MARCHF8: variants seen among roughly 807,000 people sequenced by gnomAD.
The protein encoded by MARCHF8 is membrane associated ring-CH-type finger 8.
Under a neutral mutation model 51.6 loss-of-function variants are expected in MARCHF8, and 40 were observed. That is an observed-to-expected ratio of 0.77 (90% confidence interval 0.60 to 1.01). MARCHF8 has a LOEUF of 1.01. Ranked by LOEUF, MARCHF8 falls within the 50% of genes least tolerant of loss-of-function variation. The pLI is 0.00. For synonymous variants in MARCHF8, 263 were observed against 280.3 expected (o/e 0.94, Z 0.62); for missense variants, 685 against 708.6 (o/e 0.97, Z 0.38).
At chr10:45,584,924 T>C (rs1052041831) in intron 1 of MARCHF8, among the ~76,000 whole-genome samples, 1 of 152,198 alleles carries the variant, frequency 6.6e-6, no homozygotes, top group Non-Finnish European at 1.5e-5. Flanking sequence ...CAAGGACACA[T>C]GGACCTCAGT....
At chr10:45,483,693 G>T (rs1015974281) in intron 3 of MARCHF8, among the ~76,000 whole-genome samples, 4 of 152,156 alleles carry the variant, frequency 2.6e-5, no homozygotes, top group Admixed American at 2.0e-4. Flanking sequence ...AACAGGTAAA[G>T]AATTCGTGAC....
intron 3 of MARCHF8, among the ~76,000 whole-genome samples, chr10:45,466,440 A>C (rs1297850127): frequency 6.6e-6 from 1 of 152,184 alleles, no homozygotes; most frequent in Non-Finnish European, 1.5e-5. Flanking sequence ...CCCCAGGTAG[A>C]CTTTGAGGAA....
Position 45,566,375 on chromosome 10 carries a change from A to AT in MARCHF8, c.-79+27859dup, listed in dbSNP as rs200472847. On this transcript the variant is annotated intron_variant, in intron 1 of 6. Coordinates refer to the MARCHF8 transcript ENST00000319836. ...TCAAACAGTAAGTCTTATCCATTCT[A>AT]TTTTTTTTTGTACCCATTAACAATC... Among the ~76,000 whole-genome samples the AT allele has an allele frequency of 2.5e-3, 375 of 151,168 alleles. 2 individuals are homozygous for AT. The highest frequency in any genetic ancestry group is 0.01 in the Middle Eastern group (3 of 292).
At chr10:45,579,712 C>A (rs1291786353) in intron 1 of MARCHF8, among the ~76,000 whole-genome samples, 1 of 151,930 alleles carries the variant, frequency 6.6e-6, no homozygotes, top group Non-Finnish European at 1.5e-5. Context: ...GAATCAAGAG[C>A]CTTAAAAATA....
chr10:45,489,040 T>C (rs1441677866), intron 3 of MARCHF8, among the ~76,000 whole-genome samples: 2 of 152,148 alleles, frequency 1.3e-5, no homozygotes. Flanking sequence ...TCATCATAGT[T>C]AGCTTTCTGT....
chr10:45,538,112 T>G (rs578048517), upstream of MARCHF8, among the ~76,000 whole-genome samples: 1 of 152,164 alleles, frequency 6.6e-6, no homozygotes, highest in African/African-American at 2.4e-5. Context: ...GACTAACAGC[T>G]GATCTCTCGG....
rs779724436 is a variant in MARCHF8 at position 45,463,255 on chromosome 10, C to T, written c.984G>A (p.Ala328=). The part of the protein sequence containing the change: ...SAKLKSRVLR[A]PLCSTEKDSD... ...TGTCCTTTTCCGTGGAGCAGAGGGG[C>T]GCCCGCAGAACCCTACTCTTCAGTT... Residue 328 remains alanine (A), a synonymous_variant, in exon 5 of 8, where the codon GCG becomes GCA. Coordinates refer to ENST00000453424, the MANE Select transcript of MARCHF8 (RefSeq NM_001282866.2). The T allele has an allele frequency of 7.4e-5, 115 of 1,550,752 alleles. No homozygotes were observed. Among genetic ancestry groups the T allele is most frequent in the Non-Finnish European group, 9.1e-5 (104 of 1,147,066 alleles).
intron 1 of MARCHF8, among the ~76,000 whole-genome samples, chr10:45,549,605 T>C (rs1459093295): frequency 2.6e-5 from 4 of 152,206 alleles, no homozygotes; most frequent in Admixed American, 6.5e-5. Context: ...GTGGTTTGAA[T>C]GTGTCCCCCA....
chr10:45,493,191 T>C (rs545383020), intron 2 of MARCHF8, among the ~76,000 whole-genome samples: 1 of 152,352 alleles, frequency 6.6e-6, no homozygotes, highest in African/African-American at 2.4e-5. Flanking sequence ...AATGGCATCT[T>C]GGTTCTGAAT....
chr10:45,572,203 T>C (rs2044437606), intron 1 of MARCHF8, among the ~76,000 whole-genome samples: 1 of 137,892 alleles, frequency 7.3e-6, no homozygotes, highest in Non-Finnish European at 1.6e-5. Flanking sequence ...TTCTCCACTT[T>C]CCTGGGGGGC....
upstream of MARCHF8, among the ~76,000 whole-genome samples, chr10:45,538,783 T>C (rs1287464419): frequency 2.0e-5 from 3 of 152,150 alleles, no homozygotes; most frequent in African/African-American, 7.2e-5. Context: ...TAAATATATA[T>C]GCACCCAATA....
At position 45,463,944 on chromosome 10, in the gene MARCHF8, C is replaced by T. The variant is rs1564464951; in HGVS notation, c.295G>A (p.Val99Ile). ...CCHHSSVQSA[V>I]VSKAPHCQSS... ...TGGCAGTGAGGAGCTTTCGAGACAA[C>T]AGCAGACTGCACGGAACTGTGGTGA... Residue 99 changes from valine (V) to isoleucine (I), a missense_variant, in exon 5 of 8, where the codon GTT (valine) becomes ATT (isoleucine). Transcript: ENST00000453424. 1 of 1,536,174 alleles carries T rather than the reference C, an allele frequency of 6.5e-7. No homozygotes were observed. The highest frequency in any genetic ancestry group is 8.7e-7 in the Non-Finnish European group (1 of 1,146,928).
intron 2 of MARCHF8, among the ~76,000 whole-genome samples, chr10:45,526,547 G>C (rs1405213043): frequency 6.6e-6 from 1 of 152,106 alleles, no homozygotes; most frequent in Non-Finnish European, 1.5e-5. Context: ...AGGCTGAAGA[G>C]AGGAGGCCAG....
intron 2 of MARCHF8, among the ~76,000 whole-genome samples, chr10:45,511,157 T>C (rs2043492932): frequency 1.3e-5 from 2 of 152,222 alleles, no homozygotes; most frequent in Admixed American, 1.3e-4. Context: ...TCATTTTCAT[T>C]TTCTGAATAT....
chr10:45,583,951 A>G (rs2044583139), intron 1 of MARCHF8, among the ~76,000 whole-genome samples: 2 of 144,268 alleles, frequency 1.4e-5, no homozygotes, highest in African/African-American at 5.2e-5. Context: ...GGTTGCAGTG[A>G]GCCAAGATCG....
At chr10:45,512,540 G>A (rs1321658679) in intron 2 of MARCHF8, among the ~76,000 whole-genome samples, 65 of 147,328 alleles carry the variant, frequency 4.4e-4, no homozygotes, top group African/African-American at 7.8e-4. Flanking sequence ...CTGCCCGGCC[G>A]CTCCTACTGG....
intron 2 of MARCHF8, among the ~76,000 whole-genome samples, chr10:45,498,020 A>G (rs151055993): frequency 3.9e-5 from 6 of 152,322 alleles, no homozygotes; most frequent in African/African-American, 1.4e-4. Context: ...ACATCTACTA[A>G]AAAACTACAG....
intron 3 of MARCHF8, among the ~76,000 whole-genome samples, chr10:45,477,555 G>A (rs1416985594): frequency 6.6e-6 from 1 of 152,102 alleles, no homozygotes; most frequent in Non-Finnish European, 1.5e-5. Context: ...ACAGGAATAA[G>A]CCCTCACATA....
At chr10:45,458,878 C>T (rs1053231941) in intron 7 of MARCHF8, among the ~76,000 whole-genome samples, 1 of 152,198 alleles carries the variant, frequency 6.6e-6, no homozygotes, top group South Asian at 2.1e-4. Flanking sequence ...CAGCTACTTC[C>T]TGCTTTTATA....
Sources: gnomAD v4.1 joint callset for allele counts (sites outside exome capture counted in the v4.1 genomes callset) on GRCh38, gnomAD v4.1.1 for gene constraint, MANE v1.5 for transcripts, NCBI Gene and HGNC (gene_info 2026-07-23, HGNC 2026-07-21) for gene names.